The following HHAT variants were observed in gnomAD, a reference collection of about 807,000 sequenced individuals.
HHAT encodes protein-cysteine N-palmitoyltransferase HHAT.
In HHAT, 47 loss-of-function variants were observed where a neutral mutation model predicts 70.8. The observed-to-expected ratio is 0.66, with a 90% confidence interval of 0.53 to 0.85. The LOEUF (loss-of-function observed/expected upper bound fraction) is 0.85. Among genes scored for constraint, HHAT ranks in the 40% least tolerant of loss-of-function variants. The pLI is 0.00. For synonymous variants in HHAT, 228 were observed against 247.6 expected (o/e 0.92, Z 0.74); for missense variants, 609 against 604.8 (o/e 1.01, Z -0.07).
intron 3 of HHAT, among the ~76,000 whole-genome samples, chr1:210,367,195 T>C (rs1398121659): frequency 6.6e-6 from 1 of 152,236 alleles, no homozygotes; most frequent in African/African-American, 2.4e-5. Context: ...CAAATTTATT[T>C]GTAGAATTTT....
At chr1:210,575,606 C>T (rs1657545625) in intron 9 of HHAT, among the ~76,000 whole-genome samples, 1 of 152,138 alleles carries the variant, frequency 6.6e-6, no homozygotes, top group South Asian at 2.1e-4. Context: ...GTGTACACCT[C>T]CCCTGGGCCT....
At chr1:210,516,270 A>C (rs2095055452) in intron 9 of HHAT, among the ~76,000 whole-genome samples, 1 of 152,070 alleles carries the variant, frequency 6.6e-6, no homozygotes, top group Non-Finnish European at 1.5e-5. Context: ...ATAAGCTGTG[A>C]AGGGGAAGAA....
intron 2 of HHAT, among the ~76,000 whole-genome samples, chr1:210,354,966 A>AT (rs985774700): frequency 4.6e-5 from 7 of 152,172 alleles, no homozygotes; most frequent in Admixed American, 2.6e-4. Context: ...CCAATAATAT[A>AT]TTTTTTCTTT....
chr1:210,486,402 C>T (rs1184206230), intron 8 of HHAT, among the ~76,000 whole-genome samples: 1 of 152,194 alleles, frequency 6.6e-6, no homozygotes, highest in Admixed American at 6.5e-5. Flanking sequence ...TTCATTCATT[C>T]TGAAGGATTG....
chr1:210,401,045 A>G (rs1369140613), intron 5 of HHAT, among the ~76,000 whole-genome samples: 1 of 152,222 alleles, frequency 6.6e-6, no homozygotes, highest in Non-Finnish European at 1.5e-5. Context: ...CACTCAACTC[A>G]TCTGATGGCC....
chr1:210,467,112 G>A (rs750380564), intron 8 of HHAT, among the ~76,000 whole-genome samples: 10 of 152,106 alleles, frequency 6.6e-5, no homozygotes, highest in Non-Finnish European at 1.0e-4. Flanking sequence ...ATAGGTGTAG[G>A]TTTTCCACTC....
intron 8 of HHAT, among the ~76,000 whole-genome samples, chr1:210,511,033 A>G (rs2094944325): frequency 1.3e-5 from 2 of 152,194 alleles, no homozygotes; most frequent in Non-Finnish European, 2.9e-5. Context: ...AGATCTGGCA[A>G]CCTTAAAATT....
At chr1:210,361,540 G>C (rs2088316839) in intron 2 of HHAT, among the ~76,000 whole-genome samples, 1 of 151,586 alleles carries the variant, frequency 6.6e-6, no homozygotes, top group Admixed American at 6.6e-5. Context: ...CGCTTGGCTT[G>C]CTGTTTGCAT....
intron 4 of HHAT, among the ~76,000 whole-genome samples, chr1:210,398,547 A>C (rs2091911950): frequency 6.6e-6 from 1 of 152,190 alleles, no homozygotes; most frequent in Non-Finnish European, 1.5e-5. Context: ...GTATTTCCTG[A>C]AGCTTCTTTC....
intron 9 of HHAT, among the ~76,000 whole-genome samples, chr1:210,525,491 A>G (rs1215365595): frequency 6.6e-6 from 1 of 152,188 alleles, no homozygotes; most frequent in Non-Finnish European, 1.5e-5. Context: ...ACATTTCACT[A>G]ATATTTCATT....
chr1:210,661,277 C>A (rs186091505), intron 11 of HHAT, among the ~76,000 whole-genome samples: 4 of 152,146 alleles, frequency 2.6e-5, no homozygotes, highest in Non-Finnish European at 5.9e-5. Context: ...ACTTCTCAAA[C>A]GAAGACATTT....
At chr1:210,400,319 C>T in intron 4 of HHAT, 149 bp from the exon 5 acceptor site, 2 of 695,998 alleles carry the variant, frequency 2.9e-6, no homozygotes, top group Non-Finnish European at 4.6e-6. Context: ...ATTCCCAGGG[C>T]AGTGATAAGA....
chr1:210,396,640 G>A (rs1192501734), intron 4 of HHAT, among the ~76,000 whole-genome samples: 2 of 152,238 alleles, frequency 1.3e-5, no homozygotes, highest in African/African-American at 2.4e-5. Context: ...ATCTATGCAT[G>A]TGTGTTTGCA....
At chr1:210,495,916 G>T (rs1056197312) in intron 8 of HHAT, among the ~76,000 whole-genome samples, 3 of 144,592 alleles carry the variant, frequency 2.1e-5, no homozygotes, top group South Asian at 2.2e-4. Context: ...TCTGAGGCAG[G>T]AGGAGAATCA....
chr1:210,334,546 G>C (rs1335916015), intron 1 of HHAT, among the ~76,000 whole-genome samples: 2 of 152,030 alleles, frequency 1.3e-5, no homozygotes, highest in African/African-American at 4.8e-5. Flanking sequence ...TTTGATGAAA[G>C]CTTTTGAGAG....
At chr1:210,419,975 C>T (rs2092845884) in intron 7 of HHAT, among the ~76,000 whole-genome samples, 2 of 152,130 alleles carry the variant, frequency 1.3e-5, no homozygotes, top group Admixed American at 1.3e-4. Context: ...AACAATGATA[C>T]TTAAGATCGG....
intron 9 of HHAT, among the ~76,000 whole-genome samples, chr1:210,567,638 C>G (rs1269885366): frequency 1.3e-5 from 2 of 152,238 alleles, no homozygotes; most frequent in African/African-American, 4.8e-5. Flanking sequence ...TCCTTTCCAT[C>G]CCTTTTGCCT....
At chr1:210,372,092 T>C (rs148173653) in intron 3 of HHAT, among the ~76,000 whole-genome samples, 2 of 152,350 alleles carry the variant, frequency 1.3e-5, no homozygotes, top group African/African-American at 4.8e-5. Context: ...ACCCCTAGCT[T>C]TAATATGGCT....
At chr1:210,502,184 A>G (rs1399228311) in intron 8 of HHAT, among the ~76,000 whole-genome samples, 1 of 151,836 alleles carries the variant, frequency 6.6e-6, no homozygotes, top group Non-Finnish European at 1.5e-5. Context: ...GGAGATAGAG[A>G]CCATCCTGGC....
Sources: allele counts gnomAD v4.1 joint callset (sites outside exome capture counted in the v4.1 genomes callset), GRCh38; gene constraint gnomAD v4.1.1; transcripts MANE v1.5; gene names NCBI Gene and HGNC (gene_info 2026-07-23, HGNC 2026-07-21).